Variants in LRP1B observed in about 807,000 individuals in gnomAD.
LRP1B encodes the protein LDL receptor related protein 1B.
In LRP1B, 217 loss-of-function variants were observed where a neutral mutation model predicts 556.6. The observed-to-expected ratio is 0.39, with a 90% CI of 0.35 to 0.44. The LOEUF (loss-of-function observed/expected upper bound fraction) is 0.44. LRP1B is among the 20% of genes least tolerant of loss of function. The pLI, the probability that LRP1B is intolerant of heterozygous loss-of-function variation, is 1.00. For missense variants in LRP1B, 5,053 were observed against 5,620.8 expected (o/e 0.90, Z 3.23); for synonymous variants, 2,047 against 1,865.8 (o/e 1.10, Z -2.50).
chr2:140,788,042 G>C (rs1300954157), intron 32 of LRP1B, among the ~76,000 whole-genome samples: 80 of 152,156 alleles, frequency 5.3e-4, no homozygotes, highest in Admixed American at 5.2e-3. Flanking sequence ...ATAATTGGCT[G>C]TGACACTTAC....
chr2:140,969,078 A>G (rs1421263358), intron 18 of LRP1B, among the ~76,000 whole-genome samples: 1 of 152,088 alleles, frequency 6.6e-6, no homozygotes, highest in Admixed American at 6.5e-5. Context: ...CAATTCCTGG[A>G]TATCCTTGTT....
At chr2:141,949,738 C>A (rs981748800) in intron 1 of LRP1B, among the ~76,000 whole-genome samples, 1 of 152,114 alleles carries the variant, frequency 6.6e-6, no homozygotes, top group Non-Finnish European at 1.5e-5. Flanking sequence ...CTCTGAAAAT[C>A]TAATTCTGTC....
intron 2 of LRP1B, among the ~76,000 whole-genome samples, chr2:141,707,529 G>A (rs1692188759): frequency 6.6e-6 from 1 of 152,154 alleles, no homozygotes; most frequent in Non-Finnish European, 1.5e-5. Context: ...GAGAAATGTT[G>A]TGGCAAGTTT....
At chr2:140,259,237 T>C (rs540198267) in intron 86 of LRP1B, among the ~76,000 whole-genome samples, 54 of 152,214 alleles carry the variant, frequency 3.5e-4, no homozygotes, top group African/African-American at 1.3e-3. Context: ...ATACCTGACT[T>C]TCCTCTTATT....
intron 31 of LRP1B, among the ~76,000 whole-genome samples, chr2:140,830,951 A>G (rs1691693290): frequency 6.6e-6 from 1 of 152,094 alleles, no homozygotes; most frequent in African/African-American, 2.4e-5. Flanking sequence ...ACAATCCCAT[A>G]TGCAATTGCT....
intron 3 of LRP1B, among the ~76,000 whole-genome samples, chr2:141,384,008 C>T (rs935505544): frequency 1.3e-5 from 2 of 152,142 alleles, no homozygotes; most frequent in African/African-American, 2.4e-5. Flanking sequence ...GTTCTTACCA[C>T]ACTCACACAC....
At chr2:140,680,963 G>A (rs1459334892) in intron 41 of LRP1B, among the ~76,000 whole-genome samples, 1 of 152,208 alleles carries the variant, frequency 6.6e-6, no homozygotes, top group African/African-American at 2.4e-5. Flanking sequence ...TTAAAAGGCA[G>A]TGCTGTGTGA....
chr2:140,737,843 G>A (rs1322577978), intron 35 of LRP1B, among the ~76,000 whole-genome samples: 1 of 152,190 alleles, frequency 6.6e-6, no homozygotes, highest in Non-Finnish European at 1.5e-5. Flanking sequence ...GGCTTCCAGA[G>A]CCTTAATCAC....
At chr2:140,492,563 A>C in intron 57 of LRP1B, 45 bp downstream of exon 57, 90 of 1,194,832 alleles carry the variant, frequency 7.5e-5, no homozygotes, top group Non-Finnish European at 1.1e-4. Flanking sequence ...ACACATACCT[A>C]GTGCACATGT....
At chr2:140,393,310 TAAAC>T (rs1164997422) in intron 66 of LRP1B, among the ~76,000 whole-genome samples, 1 of 151,926 alleles carries the variant, frequency 6.6e-6, no homozygotes, top group African/African-American at 2.4e-5. Flanking sequence ...AGTAGCTACC[TAAAC>T]AAATTGAAAT....
At position 140,555,294 on chromosome 2, in the gene LRP1B, C is replaced by T. The variant is rs142456683; in HGVS notation, c.7195-13323G>A. Among the ~76,000 whole-genome samples the T allele has an allele frequency of 7.0e-4, 106 of 150,922 alleles. 2 individuals are homozygous for T. The highest frequency in any genetic ancestry group is 2.1e-3 in the African/African-American group (87 of 41,182). ...AAAAACTATCCTGTAGTTATACATA[C>T]GCATGAATATGTGTCTTTCAATGTG... On this transcript the variant is annotated intron_variant, in intron 43 of 90. Transcript: ENST00000389484.
chr2:140,694,128 C>T (rs1686343053), intron 41 of LRP1B, among the ~76,000 whole-genome samples: 1 of 152,038 alleles, frequency 6.6e-6, no homozygotes, highest in South Asian at 2.1e-4. Context: ...AGAATGCATC[C>T]CACTAAATAA....
intron 3 of LRP1B, among the ~76,000 whole-genome samples, chr2:141,396,855 G>T (rs1334192022): frequency 6.6e-6 from 1 of 151,996 alleles, no homozygotes; most frequent in Non-Finnish European, 1.5e-5. Context: ...GGGCACAACG[G>T]CTCATGCCTG....
chr2:140,322,133 A>T (rs1482463009), intron 81 of LRP1B, 45 bp from the exon 82 acceptor site: 3 of 1,556,246 alleles, frequency 1.9e-6, no homozygotes, highest in Non-Finnish European at 2.6e-6. Context: ...ATATAGATAC[A>T]ATAGGCTTCA....
intron 1 of LRP1B, among the ~76,000 whole-genome samples, chr2:141,906,012 G>A (rs1204766322): frequency 6.6e-6 from 1 of 150,880 alleles, no homozygotes; most frequent in Non-Finnish European, 1.5e-5. Context: ...GTGTGTGTGT[G>A]TGTGTGTGTG....
intron 43 of LRP1B, among the ~76,000 whole-genome samples, chr2:140,560,359 T>A (rs907059418): frequency 1.3e-4 from 20 of 152,154 alleles, no homozygotes; most frequent in African/African-American, 4.3e-4. Flanking sequence ...TTGAAAAAGA[T>A]CTGTAGATTA....
At chr2:141,879,058 T>C (rs1044250501) in intron 1 of LRP1B, among the ~76,000 whole-genome samples, 1 of 151,960 alleles carries the variant, frequency 6.6e-6, no homozygotes, top group Non-Finnish European at 1.5e-5. Flanking sequence ...AAAAGAATTC[T>C]AAAGACACAT....
rs535940755 is a variant in LRP1B, at chr2:140,990,205, T to A, written c.2645-548A>T. On this transcript the variant is annotated intron_variant, in intron 16 of 90. Transcript: ENST00000389484. The stretch of plus-strand genomic sequence containing the variant: ...AAGCGAAACTCCATCTCAAAAAAAA[T>A]AAATAAATAAAACCAACTGTATCAC... Among the ~76,000 whole-genome samples, 174 of 147,272 alleles carry A rather than the reference T, an allele frequency of 1.2e-3. 1 individual carries two copies. The highest frequency in any genetic ancestry group is 4.0e-3 in the African/African-American group (157 of 39,338).
intron 3 of LRP1B, among the ~76,000 whole-genome samples, chr2:141,454,069 C>T (rs188384041): frequency 1.3e-5 from 2 of 152,250 alleles, no homozygotes; most frequent in Non-Finnish European, 2.9e-5. Context: ...ACCTTGCCCC[C>T]AAATATGTAT....
Sources: gnomAD v4.1 joint callset for allele counts (sites outside exome capture counted in the v4.1 genomes callset) on GRCh38, gnomAD v4.1.1 for gene constraint, MANE v1.5 for transcripts, NCBI Gene and HGNC (gene_info 2026-07-23, HGNC 2026-07-21) for gene names.